Variants in RFWD3 observed in about 807,000 individuals in gnomAD.
The protein encoded by RFWD3 is ring finger and WD repeat domain 3, also known as E3 ubiquitin-protein ligase RFWD3.
In RFWD3, 65 loss-of-function variants were observed where a neutral mutation model predicts 87.7. The ratio of observed to expected loss-of-function variants is 0.74; its 90% CI spans 0.61 to 0.91. The LOEUF (loss-of-function observed/expected upper bound fraction) is 0.91. Ranked by LOEUF, RFWD3 falls within the 40% of genes least tolerant of loss-of-function variation. The probability of loss-of-function intolerance (pLI) is 0.00; values close to 1 mark genes in which losing one functional copy is unlikely to be tolerated. For missense variants in RFWD3, 1,078 were observed against 938.5 expected (o/e 1.15, Z -1.94); for synonymous variants, 433 against 352.8 (o/e 1.23, Z -2.55).
In RFWD3 at chr16:74,626,385, G is replaced by A. The variant is rs775796008; in HGVS notation, c.2139C>T (p.Asn713=). 1 of 1,614,206 alleles carries A rather than the reference G, an allele frequency of 6.2e-7. No individual in the cohort carries two copies. Among genetic ancestry groups the A allele is most frequent in the South Asian group, 1.1e-5 (1 of 91,082 alleles). The stretch of plus-strand genomic sequence containing the variant: ...CTTCATCCCCAGTACACACCAGGAT[G>A]TTGCCATCATTCTCTGGGCTTTGGA... The part of the protein sequence containing the change: ...AIFQSPENDG[N]ILVCTGDEAA... Residue 713 remains asparagine (N), a synonymous_variant, in exon 12 of 13, where the codon AAC becomes AAT. Transcript: ENST00000361070.
At chr16:74,663,525 G>A (rs760038840) in intron 1 of RFWD3, among the ~76,000 whole-genome samples, 4 of 152,114 alleles carry the variant, frequency 2.6e-5, no homozygotes, top group Non-Finnish European at 5.9e-5. Context: ...GACTGGTGCA[G>A]GCTGAATAAA....
intron 6 of RFWD3, among the ~76,000 whole-genome samples, chr16:74,642,493 G>C (rs1448671987): frequency 1.3e-5 from 2 of 151,184 alleles, no homozygotes; most frequent in Non-Finnish European, 2.9e-5. Flanking sequence ...TCTTGACCTG[G>C]TCAACAGATT....
chr16:74,631,008 T>A, intron 9 of RFWD3, 51 bp from the exon 10 acceptor site: 1 of 1,453,250 alleles, frequency 6.9e-7, no homozygotes, highest in Non-Finnish European at 9.4e-7. Flanking sequence ...ATCAAATACA[T>A]GACAAAGATG....
rs763681358 is a variant in RFWD3 at position 74,628,458 on chromosome 16, T to G, written c.1963A>C (p.Arg655=). 3 of 1,614,048 alleles carry G rather than the reference T, an allele frequency of 1.9e-6. No individual in the cohort carries two copies. The highest frequency in any genetic ancestry group is 2.5e-6 in the Non-Finnish European group (3 of 1,179,956). ...AGACCCCAGCACTACTTACCAGGCC[T>G]GTAGGTCACAAGACAGTGCCGGGAG... ...NSSRHCLVTY[R]PDKNHTTIRS... The change falls in exon 11 of 13, where the codon AGG becomes CGG. Residue 655 remains arginine, a synonymous_variant. Transcript: ENST00000361070.
chr16:74,660,547 A>G (rs1961345555), intron 2 of RFWD3: 1 of 186,530 alleles, frequency 5.4e-6, no homozygotes, highest in African/African-American at 2.4e-5. Flanking sequence ...AAGCCCTTCA[A>G]GAGGCAAGTT....
At chr16:74,662,576 T>C (rs1961537123) in intron 1 of RFWD3, among the ~76,000 whole-genome samples, 1 of 151,278 alleles carries the variant, frequency 6.6e-6, no homozygotes, top group African/African-American at 2.4e-5. Flanking sequence ...TTTTAAAGAG[T>C]GAAAATTGGG....
Position 74,633,210 on chromosome 16 carries a change from G to C in RFWD3, c.1427-537C>G, listed in dbSNP as rs149139641. ...GAGAATCGCTTGAACCCAGGAGGCG[G>C]AGGTTGTAGTGAGACAAGATTGCAC... On this transcript the variant is annotated intron_variant, in intron 8 of 12. Transcript: ENST00000361070. Among the ~76,000 whole-genome samples the C allele has an allele frequency of 3.6e-3, 538 of 150,196 alleles. 6 individuals carry two copies. Among genetic ancestry groups the C allele is most frequent in the East Asian group, 0.019 (94 of 5,076 alleles).
intron 1 of RFWD3, among the ~76,000 whole-genome samples, chr16:74,661,679 A>T (rs1436331290): frequency 1.3e-5 from 2 of 152,228 alleles, no homozygotes; most frequent in Non-Finnish European, 2.9e-5. Flanking sequence ...CTTAGAAAAC[A>T]TGAAGTCCTG....
chr16:74,639,340 C>T (rs1234042646), intron 6 of RFWD3, among the ~76,000 whole-genome samples: 3 of 152,132 alleles, frequency 2.0e-5, no homozygotes, highest in African/African-American at 7.2e-5. Context: ...ACCCAGTGCG[C>T]TAAGCCATTT....
chr16:74,626,595 A>G (rs1958943012), intron 11 of RFWD3, 41 bp from the exon 12 acceptor site: 2 of 1,555,894 alleles, frequency 1.3e-6, no homozygotes, highest in Non-Finnish European at 1.8e-6. Flanking sequence ...TGGGGACGCT[A>G]CACAAAAAAT....
At position 74,636,373 on chromosome 16, in the gene RFWD3, G is replaced by A; in HGVS notation, c.1399C>T (p.Pro467Ser). Residue 467 changes from proline to serine, a missense_variant, in exon 8 of 13, where the codon CCT becomes TCT. By Grantham distance (74) the Pro-to-Ser change is moderately conservative. Coordinates refer to ENST00000361070, the MANE Select transcript of RFWD3 (RefSeq NM_018124.4). Reference sequence around the variant, plus strand: ...GGAAGAAAAGAGGCCTGAGGAGAAGGCTGTGATATCACCAGGCAGCTCAGA... The same window carrying A: ...GGAAGAAAAGAGGCCTGAGGAGAAGACTGTGATATCACCAGGCAGCTCAGA... ...DALSCLVISQ[P>S]SPQASFLPGF... 6.2e-7 allele frequency: 1 copy of A among 1,614,090 alleles called. No individual in the cohort carries two copies. Among genetic ancestry groups the A allele is most frequent in the Non-Finnish European group, 8.5e-7 (1 of 1,179,946 alleles).
At chr16:74,654,569 T>C (rs1960821872) in intron 2 of RFWD3, among the ~76,000 whole-genome samples, 1 of 152,094 alleles carries the variant, frequency 6.6e-6, no homozygotes, top group South Asian at 2.1e-4. Flanking sequence ...AGTTAGTAAC[T>C]CTACAATGGC....
chr16:74,622,542 TG>T lies in RFWD3; in HGVS notation c.*1385del, dbSNP rs1890756500. On this transcript the variant is annotated 3_prime_UTR_variant, in exon 13 of 13. Transcript: ENST00000361070. ...AAGGCACAACTAGAACTTGGAACTC[TG>T]GGGAAATCTAGTGCAACAACCCCTT... The T allele has an allele frequency of 6.6e-6, 1 of 152,214 alleles. No individual in the cohort carries two copies. Among genetic ancestry groups the T allele is most frequent in the South Asian group, 2.1e-4 (1 of 4,834 alleles). 9.4% of individuals were successfully genotyped at this position (152,214 alleles called of 1,614,324 possible). A position where few individuals can be genotyped will look rare whatever the true frequency, so the allele number is the denominator to read the frequency against.
At chr16:74,661,513 C>T in intron 1 of RFWD3, 62 bp from the exon 2 acceptor site, 1 of 1,334,316 alleles carries the variant, frequency 7.5e-7, no homozygotes. Context: ...ATGTAGGTGA[C>T]AGAATCATAT....
intron 4 of RFWD3, among the ~76,000 whole-genome samples, chr16:74,648,770 G>A (rs755735708): frequency 2.7e-5 from 4 of 150,630 alleles, no homozygotes; most frequent in Non-Finnish European, 4.4e-5. Context: ...GTGAGACTCC[G>A]TCTCAAAAAA....
intron 2 of RFWD3, among the ~76,000 whole-genome samples, 164 bp from the exon 3 acceptor site, chr16:74,652,286 G>C (rs1475944785): frequency 6.6e-6 from 1 of 151,682 alleles, no homozygotes; most frequent in Non-Finnish European, 1.5e-5. Context: ...GGGGAGACTG[G>C]CCTCCTAGAT....
At chr16:74,627,204 G>A (rs1207659728) in intron 11 of RFWD3, among the ~76,000 whole-genome samples, 1 of 152,210 alleles carries the variant, frequency 6.6e-6, no homozygotes, top group Non-Finnish European at 1.5e-5. Flanking sequence ...TAGCAGAAGT[G>A]TGAGCATTTA....
chr16:74,628,318 A>C, intron 11 of RFWD3, 134 bp downstream of exon 11: 2 of 762,610 alleles, frequency 2.6e-6, no homozygotes, highest in Non-Finnish European at 4.2e-6. Flanking sequence ...TCCCTGTAGT[A>C]GCAAGAGCTA....
At position 74,626,899 on chromosome 16, in the gene RFWD3, A is replaced by G. The variant is rs1359602153; in HGVS notation, c.1970-345T>C. Among the ~76,000 whole-genome samples, 7 of 152,126 alleles carry G rather than the reference A, an allele frequency of 4.6e-5. No homozygotes were observed. The East Asian group carries it at 1.3e-3, about 29-fold the overall frequency. On this transcript the variant is annotated intron_variant, in intron 11 of 12. Transcript: ENST00000361070. Reference sequence around the variant, plus strand: ...ATTTCTCTCTCAAGAATTCTCAGTAAAAGGTTTTTCCCTTCCCCCAGTGAG... The same window carrying G: ...ATTTCTCTCTCAAGAATTCTCAGTAGAAGGTTTTTCCCTTCCCCCAGTGAG...
Sources: allele counts gnomAD v4.1 joint callset (sites outside exome capture counted in the v4.1 genomes callset), GRCh38; gene constraint gnomAD v4.1.1; transcripts MANE v1.5; gene names NCBI Gene and HGNC (gene_info 2026-07-23, HGNC 2026-07-21).